ACTR1A: variants seen among roughly 807,000 people sequenced by gnomAD.
ACTR1A encodes actin related protein 1A, also known as alpha-centractin.
In ACTR1A, 10 loss-of-function variants were observed where a neutral mutation model predicts 50.7. The ratio of observed to expected loss-of-function variants is 0.20; its 90% CI spans 0.12 to 0.33. The LOEUF (loss-of-function observed/expected upper bound fraction) is 0.33, where lower values mean the gene tolerates loss of function less well. Among genes scored for constraint, ACTR1A ranks in the 10% least tolerant of loss-of-function variants. The pLI is 1.00. For missense variants in ACTR1A, 253 were observed against 491.7 expected, an observed-to-expected ratio of 0.51 and a Z score of 4.59; for synonymous variants, 177 against 184.2, an observed-to-expected ratio of 0.96 and a Z score of 0.32.
chr10:102,499,737 A>T (rs1241925332), intron 1 of ACTR1A, among the ~76,000 whole-genome samples: 1 of 152,236 alleles, frequency 6.6e-6, no homozygotes, highest in Non-Finnish European at 1.5e-5. Flanking sequence ...ACTAAGAAAA[A>T]GGCAGAAGAA....
At chr10:102,494,315 G>A (rs1270502853) in intron 1 of ACTR1A, among the ~76,000 whole-genome samples, 1 of 152,118 alleles carries the variant, frequency 6.6e-6, no homozygotes, top group Non-Finnish European at 1.5e-5. Flanking sequence ...GGCCAAAATG[G>A]AGAAACCCCA....
At position 102,479,279 on chromosome 10, in the gene ACTR1A, C is replaced by A; in HGVS notation, c.*1584G>T. ...TTTCAGTACACTGGGCCCCACCAGG[C>A]AATGTGGTTTGTGCGAGGCTGTGCG... On this transcript the variant is annotated 3_prime_UTR_variant, in exon 11 of 11. Coordinates refer to ENST00000369905, the MANE Select transcript of ACTR1A (RefSeq NM_005736.4). This position sits in a 1 kb window ranked among gnomAD's most constrained non-coding sequence, Gnocchi z 4.0. 3 of 510,026 alleles carry A rather than the reference C, an allele frequency of 5.9e-6. No individual in the cohort carries two copies. Among genetic ancestry groups the A allele is most frequent in the Non-Finnish European group, 9.9e-6 (3 of 302,764 alleles). The allele number at this position is 510,026 out of a possible 1,614,324, so 31.6% of individuals were successfully genotyped here.
intron 2 of ACTR1A, among the ~76,000 whole-genome samples, chr10:102,489,679 T>C (rs945450634): frequency 1.3e-5 from 2 of 152,220 alleles, no homozygotes; most frequent in African/African-American, 2.4e-5. Context: ...CTGGGCGTGA[T>C]GGCACATGCC....
In ACTR1A at chr10:102,483,079, G is replaced by C; in HGVS notation, c.682C>G (p.Pro228Ala). The C allele has an allele frequency of 8.7e-6, 14 of 1,614,142 alleles. No individual in the cohort carries two copies. Among genetic ancestry groups the C allele is most frequent in the Non-Finnish European group, 1.1e-5 (13 of 1,179,994 alleles). Residue 228 changes from proline to alanine, a missense_variant, in exon 7 of 11, where the codon CCC becomes GCC. Around this residue, in one of 4 missense-constraint regions of ACTR1A, gnomAD observed 116 missense variants for 155.9 expected, o/e 0.74. Transcript: ENST00000369905. ...GTCTCTAGCGTCTCATCCTTTTGGG[G>C]GTTTATGGATAGGTAACAGGCTCTC... ...KERACYLSIN[P>A]QKDETLETEK...
At chr10:102,490,082 A>T (rs1977382) in intron 2 of ACTR1A, among the ~76,000 whole-genome samples, 41,193 of 151,578 alleles carry the variant, frequency 0.27, 5,845 homozygotes, top group African/African-American at 0.33. Flanking sequence ...AAAAATACAA[A>T]AAAATTAGCC....
chr10:102,489,729 G>A (rs771211745), intron 2 of ACTR1A, among the ~76,000 whole-genome samples: 8 of 152,040 alleles, frequency 5.3e-5, no homozygotes, highest in Admixed American at 2.0e-4. Context: ...CACGAGAATC[G>A]CTTGAACCTG....
rs2062185130 is a variant in ACTR1A at position 102,490,132 on chromosome 10, A to T, written c.113+417T>A. 2.0e-5 allele frequency among the ~76,000 whole-genome samples: 3 copies of T among 149,108 alleles called. No individual in the cohort carries two copies. In the South Asian group the frequency reaches 6.6e-4, roughly 33 times the overall value. ...GCGCCTGTAGTCCCAGCTACTCGGG[A>T]GGCTGAGGCAGAATGGTGTGAACCC... On this transcript the variant is annotated intron_variant, in intron 2 of 10. Transcript: ENST00000369905.
intron 1 of ACTR1A, among the ~76,000 whole-genome samples, chr10:102,498,678 G>A (rs181484092): frequency 3.3e-5 from 5 of 150,206 alleles, no homozygotes; most frequent in African/African-American, 4.9e-5. Context: ...TCACTATGTT[G>A]CCCAGGCTGG....
chr10:102,486,947 C>T (rs1391803685), intron 4 of ACTR1A, among the ~76,000 whole-genome samples: 7 of 120,520 alleles, frequency 5.8e-5, no homozygotes, highest in South Asian at 2.7e-4. Flanking sequence ...CCACTGTACC[C>T]GGCTATTTTT....
Position 102,488,121 on chromosome 10 carries a change from C to T in ACTR1A, c.315+29G>A, listed in dbSNP as rs1386755528. The T allele has an allele frequency of 6.2e-7, 1 of 1,601,800 alleles. No homozygotes were observed. The highest frequency in any genetic ancestry group is 1.1e-5 in the South Asian group (1 of 90,830). On this transcript the variant is annotated intron_variant, in intron 4 of 10. Coordinates refer to ENST00000369905, the MANE Select transcript of ACTR1A (RefSeq NM_005736.4). This position sits in a 1 kb window ranked among gnomAD's most constrained non-coding sequence, Gnocchi z 4.4. ...GTTTGACACAGCTTTGCATACCCTA[C>T]AGGAGTGCCCTACACACAGGATCCT...
intron 5 of ACTR1A, 136 bp downstream of exon 5, chr10:102,485,473 T>A (rs934555660): frequency 7.3e-6 from 9 of 1,231,524 alleles, no homozygotes; most frequent in Non-Finnish European, 1.0e-5. Flanking sequence ...AGCCTCTCTC[T>A]CTTTCCCACC....
chr10:102,488,695 A>C lies in ACTR1A; in HGVS notation c.189+368T>G, dbSNP rs1214349537. ...GGGCTCTGACAAAGCTGTGTGAATTAACTCATCCCTAGGGTACCCCAGCCA... is the reference window on the plus strand; with the variant it reads ...GGGCTCTGACAAAGCTGTGTGAATTCACTCATCCCTAGGGTACCCCAGCCA... On this transcript the variant is annotated intron_variant, in intron 3 of 10. Coordinates refer to ENST00000369905, the MANE Select transcript of ACTR1A (RefSeq NM_005736.4). This position sits in a 1 kb window ranked among gnomAD's most constrained non-coding sequence, Gnocchi z 4.4. Among the ~76,000 whole-genome samples, 1 of 152,204 alleles carries C rather than the reference A, an allele frequency of 6.6e-6. No homozygotes were observed. The highest frequency in any genetic ancestry group is 2.4e-5 in the African/African-American group (1 of 41,446).
intron 1 of ACTR1A, 87 bp downstream of exon 1, chr10:102,502,513 G>A: frequency 6.8e-7 from 1 of 1,466,560 alleles, no homozygotes; most frequent in South Asian, 1.1e-5. Context: ...GTGACAAAGA[G>A]CCGGCGGCTC....
rs1455934441 is a variant in ACTR1A, at chr10:102,496,592, T to C, written c.49-5979A>G. Among the ~76,000 whole-genome samples the C allele has an allele frequency of 2.0e-5, 3 of 152,354 alleles. No individual in the cohort carries two copies. The East Asian group carries it at 5.8e-4, about 29-fold the overall frequency. On this transcript the variant is annotated intron_variant, in intron 1 of 10. Coordinates refer to ENST00000369905, the MANE Select transcript of ACTR1A (RefSeq NM_005736.4). ...TAAGTCACCTCTTCTTCACCTTTTC[T>C]GTCAAGCTAGGGATGGATTCTTGCT...
chr10:102,498,848 A>C (rs1025602490), intron 1 of ACTR1A, among the ~76,000 whole-genome samples: 6 of 152,194 alleles, frequency 3.9e-5, no homozygotes, highest in Non-Finnish European at 8.8e-5. Context: ...AATGTGGCCT[A>C]GGAGCTGCTC....
At chr10:102,502,499 G>T (rs2062263107) in intron 1 of ACTR1A, 101 bp downstream of exon 1, 2 of 1,316,586 alleles carry the variant, frequency 1.5e-6, no homozygotes, top group Admixed American at 1.7e-5. Flanking sequence ...GACAGGCCGG[G>T]CCAGTGACAA....
At position 102,485,695 on chromosome 10, in the gene ACTR1A, T is replaced by C. The variant is rs1416486059; in HGVS notation, c.354A>G (p.Arg118=). The change falls in exon 5 of 11, where the codon CGA becomes CGG. Residue 118 remains arginine, a synonymous_variant. Coordinates refer to ENST00000369905, the MANE Select transcript of ACTR1A (RefSeq NM_005736.4). The part of the protein sequence containing the change: ...VLLTEAPLNP[R]KNRERAAEVF... ...CTTCGGCAGCTCGTTCCCGGTTTTT[T>C]CGTGGGTTTAAAGGCGCCTCAGTCA... is the stretch of plus-strand genomic sequence containing the variant. The C allele has an allele frequency of 6.2e-7, 1 of 1,613,998 alleles. No homozygotes were observed. Among genetic ancestry groups the C allele is most frequent in the Non-Finnish European group, 8.5e-7 (1 of 1,180,038 alleles).
chr10:102,501,967 C>A (rs1472104952), intron 1 of ACTR1A, among the ~76,000 whole-genome samples: 1 of 152,206 alleles, frequency 6.6e-6, no homozygotes, highest in Non-Finnish European at 1.5e-5. Flanking sequence ...CATCCTACAG[C>A]GGTTTCTGGC....
intron 1 of ACTR1A, among the ~76,000 whole-genome samples, chr10:102,495,563 C>T (rs1242446265): frequency 6.7e-6 from 1 of 148,238 alleles, no homozygotes; most frequent in African/African-American, 2.5e-5. Context: ...TGCGAGACTC[C>T]ATCTAAAAAA....
Sources: allele counts gnomAD v4.1 joint callset (sites outside exome capture counted in the v4.1 genomes callset), GRCh38; gene constraint gnomAD v4.1.1; regional missense constraint gnomAD v4.1.1; non-coding constraint Gnocchi (gnomAD v3.1); transcripts MANE v1.5; gene names NCBI Gene and HGNC (gene_info 2026-07-23, HGNC 2026-07-21).